Variants in LCA5L observed in about 807,000 individuals in gnomAD.
The protein encoded by LCA5L is lebercilin LCA5 like, also known as lebercilin-like protein.
A neutral mutation model predicts 45.4 loss-of-function variants in LCA5L; 35 were observed. The observed-to-expected ratio is 0.77, with a 90% confidence interval of 0.59 to 1.02. LCA5L has a LOEUF of 1.02. LCA5L is among the 50% of genes least tolerant of loss of function. The pLI, the probability that LCA5L is intolerant of heterozygous loss-of-function variation, is 0.00. For missense variants in LCA5L, 668 were observed against 761.6 expected (o/e 0.88, Z 1.45); for synonymous variants, 233 against 264.7 (o/e 0.88, Z 1.16).
intron 2 of LCA5L, among the ~76,000 whole-genome samples, chr21:39,437,379 G>A (rs1280990285): frequency 6.6e-6 from 1 of 152,070 alleles, no homozygotes; most frequent in Admixed American, 6.5e-5. Flanking sequence ...GTTATTATGT[G>A]GAAATGAAAT....
At chr21:39,420,587 A>T in intron 7 of LCA5L, 119 bp downstream of exon 7, 1 of 695,180 alleles carries the variant, frequency 1.4e-6, no homozygotes, top group Non-Finnish European at 2.3e-6. Flanking sequence ...TACAAAGGGT[A>T]GAGGAGCCTT....
chr21:39,428,402 C>T lies in LCA5L; in HGVS notation c.92G>A (p.Arg31Lys). The T allele has an allele frequency of 6.2e-7, 1 of 1,612,954 alleles. No homozygotes were observed. Among genetic ancestry groups the T allele is most frequent in the Middle Eastern group, 1.7e-4 (1 of 6,060 alleles). ...TGAAAAATCGCCTGTGCCTGGGCTT[C>T]TCTTGCATGCTGCAGACCTCCTATT... ...ENNRRSAACK[R>K]SPGTGDFSRN... Residue 31 changes from arginine (R) to lysine (K), a missense_variant, in exon 5 of 11, where the codon AGA (arginine) becomes AAA (lysine). By Grantham distance (26) the Arg-to-Lys change is conservative. Transcript: ENST00000288350.
intron 2 of LCA5L, among the ~76,000 whole-genome samples, chr21:39,436,584 C>T (rs1377351444): frequency 2.0e-5 from 3 of 152,072 alleles, no homozygotes; most frequent in Admixed American, 6.5e-5. Flanking sequence ...TGGGCTCACG[C>T]GATCCTCCTG....
intron 7 of LCA5L, among the ~76,000 whole-genome samples, chr21:39,415,926 G>A (rs1406596177): frequency 6.6e-6 from 1 of 152,070 alleles, no homozygotes; most frequent in Non-Finnish European, 1.5e-5. Flanking sequence ...CTAGGTTTAG[G>A]TTCGGTTCGT....
chr21:39,443,402 G>A, intron 2 of LCA5L: 1 of 152,414 alleles, frequency 6.6e-6, no homozygotes, highest in Non-Finnish European at 1.5e-5. Flanking sequence ...ACCTGACAGG[G>A]TAGAGTTTTT....
intron 8 of LCA5L, chr21:39,410,951 T>C (rs1363873477): frequency 4.2e-6 from 2 of 470,610 alleles, no homozygotes; most frequent in East Asian, 1.4e-4. Flanking sequence ...AGTATTCCTA[T>C]GGTACTTCTG....
chr21:39,434,418 A>G (rs956861972), intron 3 of LCA5L, among the ~76,000 whole-genome samples: 2 of 140,130 alleles, frequency 1.4e-5, no homozygotes, highest in Admixed American at 1.4e-4. Flanking sequence ...ATATACATAC[A>G]CTACACTTCT....
At chr21:39,419,163 A>C (rs1354479663) in intron 7 of LCA5L, among the ~76,000 whole-genome samples, 1 of 151,936 alleles carries the variant, frequency 6.6e-6, no homozygotes, top group Non-Finnish European at 1.5e-5. Flanking sequence ...ACCCCCCACT[A>C]TTCTTCTCCT....
At chr21:39,442,637 T>C (rs1393754289) in intron 2 of LCA5L, among the ~76,000 whole-genome samples, 1 of 151,832 alleles carries the variant, frequency 6.6e-6, no homozygotes, top group African/African-American at 2.4e-5. Flanking sequence ...ATTCACTGGG[T>C]GTTGGGGTGT....
chr21:39,425,561 T>C (rs957635205), intron 5 of LCA5L, among the ~76,000 whole-genome samples: 1 of 152,164 alleles, frequency 6.6e-6, no homozygotes, highest in Non-Finnish European at 1.5e-5. Flanking sequence ...CTCTAGGACA[T>C]CTACTAGAAG....
intron 7 of LCA5L, chr21:39,414,335 C>G (rs1044058458): frequency 6.6e-6 from 1 of 152,076 alleles, no homozygotes; most frequent in Admixed American, 6.5e-5. Context: ...CAGTACCTCA[C>G]GTGGGAGCTG....
intron 3 of LCA5L, among the ~76,000 whole-genome samples, chr21:39,434,679 G>C (rs1303943948): frequency 1.3e-5 from 2 of 151,996 alleles, no homozygotes; most frequent in Non-Finnish European, 2.9e-5. Flanking sequence ...CACCATGCCT[G>C]GCTAATATTT....
intron 3 of LCA5L, among the ~76,000 whole-genome samples, chr21:39,433,390 C>T (rs186429152): frequency 5.7e-4 from 82 of 144,016 alleles, no homozygotes; most frequent in Non-Finnish European, 1.1e-3. Flanking sequence ...TGTACTCCAA[C>T]CTGGGTGACA....
intron 2 of LCA5L, among the ~76,000 whole-genome samples, chr21:39,440,265 G>C (rs1569130755): frequency 6.6e-6 from 1 of 152,152 alleles, no homozygotes; most frequent in Non-Finnish European, 1.5e-5. Flanking sequence ...AGAGAAGAAA[G>C]GCTGGTGTGT....
At position 39,406,484 on chromosome 21, in the gene LCA5L, T is replaced by C; in HGVS notation, c.1411A>G (p.Lys471Glu). ...FVKEEQELPP[K>E]IIEVIHPERE... ...TCAGGATGAATAACTTCAATTATTT[T>C]TGGTGGTAGTTCTTGCTCTTCTTTC... The change falls in exon 11 of 11, where the codon AAA becomes GAA. Residue 471 changes from lysine to glutamate, a missense_variant. By Grantham distance (56) the Lys-to-Glu change is moderately conservative. Coordinates refer to ENST00000288350, the MANE Select transcript of LCA5L (RefSeq NM_152505.4). 6.2e-7 allele frequency: 1 copy of C among 1,613,978 alleles called. No individual in the cohort carries two copies. The highest frequency in any genetic ancestry group is 8.5e-7 in the Non-Finnish European group (1 of 1,179,988).
intron 5 of LCA5L, chr21:39,426,013 A>T (rs1282294381): frequency 6.6e-6 from 1 of 152,348 alleles, no homozygotes; most frequent in Non-Finnish European, 1.5e-5. Context: ...TTTAAAGATC[A>T]TATGGCTTGG....
chr21:39,423,435 A>G lies in LCA5L; in HGVS notation c.378T>C (p.Asn126=). 1 of 1,594,494 alleles carries G rather than the reference A, an allele frequency of 6.3e-7. No homozygotes were observed. Among genetic ancestry groups the G allele is most frequent in the Non-Finnish European group, 8.5e-7 (1 of 1,173,696 alleles). ...KKHTWNASLF[N]SQIHMIAQRR... is the part of the protein sequence containing the mutation. ...TTTGGGCAATCATATGGATTTGAGAATTAAAGAGTGATGCATTCCAGGTGT... is the reference window on the plus strand; with the variant it reads ...TTTGGGCAATCATATGGATTTGAGAGTTAAAGAGTGATGCATTCCAGGTGT... The change falls in exon 6 of 11, where the codon AAT becomes AAC. Residue 126 remains asparagine (N), a synonymous_variant. Coordinates refer to ENST00000288350, the MANE Select transcript of LCA5L (RefSeq NM_152505.4).
intron 3 of LCA5L, among the ~76,000 whole-genome samples, chr21:39,432,728 G>C (rs1388938131): frequency 3.3e-5 from 5 of 151,958 alleles, no homozygotes; most frequent in Non-Finnish European, 7.4e-5. Context: ...CAATTATTTT[G>C]CATTTTATAG....
chr21:39,410,737 T>C (rs2039949483), intron 8 of LCA5L: 1 of 440,334 alleles, frequency 2.3e-6, no homozygotes, highest in South Asian at 1.7e-5. Flanking sequence ...AGACTGTCCA[T>C]GCTGAAGCGC....
Sources: allele counts gnomAD v4.1 joint callset (sites outside exome capture counted in the v4.1 genomes callset), GRCh38; gene constraint gnomAD v4.1.1; transcripts MANE v1.5; gene names NCBI Gene and HGNC (gene_info 2026-07-23, HGNC 2026-07-21).